The following HCRTR1 variants were observed in gnomAD, a reference collection of about 807,000 sequenced individuals.
HCRTR1 encodes the protein hypocretin receptor 1.
In HCRTR1, 28 loss-of-function variants were observed where a neutral mutation model predicts 40.6. That is an observed-to-expected ratio of 0.69 (90% CI 0.51 to 0.95). The LOEUF (loss-of-function observed/expected upper bound fraction) is 0.95, where lower values mean the gene tolerates loss of function less well. Ranked by LOEUF, HCRTR1 falls within the 40% of genes least tolerant of loss-of-function variation. The pLI, the probability that HCRTR1 is intolerant of heterozygous loss-of-function variation, is 0.00. For synonymous variants in HCRTR1, 209 were observed against 230.0 expected, an observed-to-expected ratio of 0.91 and a Z score of 0.83; for missense variants, 482 against 564.7, an observed-to-expected ratio of 0.85 and a Z score of 1.48.
In HCRTR1 at chr1:31,625,720, C is replaced by G. The variant is rs1260602767; in HGVS notation, c.1087+602C>G. ...CTCTGCTGTCCCACAGTGCCCACCC[C>G]CTCCCTCTACCTCCCAGTCTCAGGG... is the stretch of plus-strand genomic sequence containing the variant. On this transcript the variant is annotated intron_variant, in intron 8 of 8. Coordinates refer to ENST00000403528, the MANE Select transcript of HCRTR1 (RefSeq NM_001525.3). The surrounding 1 kb of genome is among the most constrained non-coding windows in gnomAD (Gnocchi z 4.2). Among the ~76,000 whole-genome samples the G allele has an allele frequency of 6.6e-6, 1 of 152,154 alleles. No individual in the cohort carries two copies. The highest frequency in any genetic ancestry group is 1.5e-5 in the Non-Finnish European group (1 of 68,020).
Position 31,625,261 on chromosome 1 carries a change from ACCCACCCCAAGCGGC to A in HCRTR1, c.1087+146_1087+160del. 3.8e-6 allele frequency: 4 copies of A among 1,063,618 alleles called. No homozygotes were observed. The highest frequency in any genetic ancestry group is 5.2e-6 in the Non-Finnish European group (4 of 773,750). The allele number at this position is 1,063,618 out of a possible 1,614,324, so 65.9% of individuals were successfully genotyped here. A position where few individuals can be genotyped will look rare whatever the true frequency, so the allele number is the denominator to read the frequency against. On this transcript the variant is annotated intron_variant, in intron 8 of 8. Coordinates refer to ENST00000403528, the MANE Select transcript of HCRTR1 (RefSeq NM_001525.3). The surrounding 1 kb of genome is among the most constrained non-coding windows in gnomAD (Gnocchi z 4.2). ...GGCACAGTGATCCTGCTCTGGGAGG[ACCCACCCCAAGCGGC>A]CCTGGCCTGAGTGGGAGACGGGCCA...
downstream of HCRTR1, chr1:31,632,614 C>T (rs763935107): frequency 9.9e-6 from 16 of 1,613,962 alleles, no homozygotes; most frequent in Middle Eastern, 6.6e-4. Flanking sequence ...ATCGATGCGG[C>T]CTGACTTGGT....
chr1:31,626,963 A>G lies in HCRTR1; in HGVS notation c.1261A>G (p.Thr421Ala). The G allele has an allele frequency of 1.2e-6, 2 of 1,612,676 alleles. No homozygotes were observed. Among genetic ancestry groups the G allele is most frequent in the Non-Finnish European group, 1.7e-6 (2 of 1,179,974 alleles). ...TGAGCATGTGGTGCTCACCAGCGTC[A>G]CCACAGTGCTGCCCTGAGCGAGGGC... Reference protein sequence around the residue: ...ISEHVVLTSVTTVLP With the variant: ...ISEHVVLTSVATVLP The change falls in exon 9 of 9, where the codon ACC becomes GCC. Residue 421 changes from threonine (T) to alanine (A), a missense_variant. By Grantham distance (58) the Thr-to-Ala change is moderately conservative (BLOSUM62 0). Coordinates refer to ENST00000403528, the MANE Select transcript of HCRTR1 (RefSeq NM_001525.3). This position sits in a 1 kb window ranked among gnomAD's most constrained non-coding sequence, Gnocchi z 4.6.
In HCRTR1 at chr1:31,627,130, C is replaced by G; in HGVS notation, c.*150C>G. 7.0e-7 allele frequency: 1 copy of G among 1,424,508 alleles called. No homozygotes were observed. The highest frequency in any genetic ancestry group is 9.3e-7 in the Non-Finnish European group (1 of 1,069,824). 88.2% of individuals were successfully genotyped at this position (1,424,508 alleles called of 1,614,324 possible). Reference sequence around the variant, plus strand: ...TCACTTCCTCTGTCTGAGCTTGTGTCCCCTAAGCAGGGTTGATGTGAGGAT... The same window carrying G: ...TCACTTCCTCTGTCTGAGCTTGTGTGCCCTAAGCAGGGTTGATGTGAGGAT... On this transcript the variant is annotated 3_prime_UTR_variant, in exon 9 of 9. Coordinates refer to ENST00000403528, the MANE Select transcript of HCRTR1 (RefSeq NM_001525.3).
intron 6 of HCRTR1, among the ~76,000 whole-genome samples, chr1:31,623,124 T>C (rs1044138520): frequency 1.5e-4 from 22 of 149,334 alleles, no homozygotes; most frequent in Non-Finnish European, 3.0e-4. Flanking sequence ...AGGTCAGGAG[T>C]TCAAGACCAG....
intron 7 of HCRTR1, among the ~76,000 whole-genome samples, chr1:31,624,073 G>A (rs1409611434): frequency 6.6e-6 from 1 of 152,190 alleles, no homozygotes; most frequent in African/African-American, 2.4e-5. Flanking sequence ...GTCAGGCAGT[G>A]ATAACTGCTG....
At chr1:31,623,307 A>G (rs1314016697) in intron 6 of HCRTR1, among the ~76,000 whole-genome samples, 1 of 151,976 alleles carries the variant, frequency 6.6e-6, no homozygotes, top group African/African-American at 2.4e-5. Context: ...AAAAAAAAAA[A>G]AAAAAGAAAA....
intron 5 of HCRTR1, 71 bp from the exon 6 acceptor site, chr1:31,621,406 G>A (rs1639853690): frequency 1.7e-6 from 2 of 1,146,578 alleles, no homozygotes; most frequent in Middle Eastern, 1.9e-4. Context: ...TCAGGACAGG[G>A]TGGCATTGCT....
intron 6 of HCRTR1, 76 bp from the exon 7 acceptor site, chr1:31,623,447 G>C (rs1254124155): frequency 1.5e-6 from 2 of 1,294,356 alleles, no homozygotes; most frequent in African/African-American, 3.0e-5. Flanking sequence ...GTCCAGCCTG[G>C]AGTAGGCCCC....
chr1:31,630,993 A>G (rs950050106), downstream of HCRTR1: 4 of 698,492 alleles, frequency 5.7e-6, no homozygotes, highest in Middle Eastern at 2.5e-4. Context: ...GGGTCTGTCT[A>G]AGATGTCAGA....
At chr1:31,633,449 CTTA>C, downstream of HCRTR1, 3 of 967,338 alleles carry the variant, frequency 3.1e-6, no homozygotes, top group Non-Finnish European at 4.5e-6. Flanking sequence ...AGCTGACATT[CTTA>C]CTCTGATGGA....
At chr1:31,622,922 T>C (rs891589593) in intron 6 of HCRTR1, among the ~76,000 whole-genome samples, 1 of 152,098 alleles carries the variant, frequency 6.6e-6, no homozygotes, top group Non-Finnish European at 1.5e-5. Context: ...TGGCCTGGGG[T>C]CTTGTCAAGG....
downstream of HCRTR1, chr1:31,630,483 C>G: frequency 1.0e-6 from 1 of 962,286 alleles, no homozygotes; most frequent in Non-Finnish European, 1.6e-6. Context: ...TCTTTTGGAA[C>G]AGTGTTGCAT....
chr1:31,621,524 T>C lies in HCRTR1; in HGVS notation c.670T>C (p.Tyr224His). The C allele has an allele frequency of 6.2e-7, 1 of 1,614,114 alleles. No homozygotes were observed. The highest frequency in any genetic ancestry group is 8.5e-7 in the Non-Finnish European group (1 of 1,179,978). The change falls in exon 6 of 9, where the codon TAC (tyrosine) becomes CAC (histidine). Residue 224 changes from tyrosine to histidine, a missense_variant. Transcript: ENST00000403528. The part of the protein sequence containing the change: ...IYHSCFFIVT[Y>H]LAPLGLMAMA... ...CCACAGTTGCTTCTTTATTGTCACC[T>C]ACCTGGCCCCACTGGGCCTCATGGC... is the stretch of plus-strand genomic sequence containing the variant.
chr1:31,630,863 G>A (rs1640081018), downstream of HCRTR1: 2 of 1,575,220 alleles, frequency 1.3e-6, no homozygotes. Flanking sequence ...GGGGCACACA[G>A]ACCAGACACA....
At position 31,619,344 on chromosome 1, in the gene HCRTR1, C is replaced by A. The variant is rs780400386; in HGVS notation, c.152C>A (p.Ala51Glu). The A allele has an allele frequency of 6.2e-7, 1 of 1,614,236 alleles. No individual in the cohort carries two copies. Among genetic ancestry groups the A allele is most frequent in the South Asian group, 1.1e-5 (1 of 91,090 alleles). The change falls in exon 3 of 9, where the codon GCA becomes GAA. Residue 51 changes from alanine (A) to glutamate (E), a missense_variant. Transcript: ENST00000403528. ...AAACAGTATGAGTGGGTCCTCATCG[C>A]AGCCTATGTGGCTGTGTTCGTCGTG... ...YPKQYEWVLI[A>E]AYVAVFVVAL... is the part of the protein sequence containing the mutation.
At chr1:31,622,691 A>G (rs1449961788) in intron 6 of HCRTR1, among the ~76,000 whole-genome samples, 1 of 152,134 alleles carries the variant, frequency 6.6e-6, no homozygotes, top group Non-Finnish European at 1.5e-5. Flanking sequence ...GTGGTGGGTG[A>G]TTTGAGTGTC....
chr1:31,624,958 A>G (rs1213701991), intron 7 of HCRTR1, 39 bp from the exon 8 acceptor site: 3 of 1,556,344 alleles, frequency 1.9e-6, no homozygotes, highest in Non-Finnish European at 8.7e-7. Flanking sequence ...ATGCATACGC[A>G]GCTACCCCAT....
chr1:31,623,545 T>C lies in HCRTR1; in HGVS notation c.761T>C (p.Leu254Pro). The change falls in exon 7 of 9, where the codon CTG becomes CCG. Residue 254 changes from leucine to proline, a missense_variant. By Grantham distance (98) the Leu-to-Pro change is moderately conservative (BLOSUM62 -3). Coordinates refer to ENST00000403528, the MANE Select transcript of HCRTR1 (RefSeq NM_001525.3). Reference sequence around the variant, plus strand: ...CAGATCCCCGGCACCACCTCAGCACTGGTGCGGAACTGGAAGCGCCCCTCA... The same window carrying C: ...CAGATCCCCGGCACCACCTCAGCACCGGTGCGGAACTGGAAGCGCCCCTCA... ...GRQIPGTTSALVRNWKRPSDQ... is the reference protein window; with the variant it reads ...GRQIPGTTSAPVRNWKRPSDQ... 1 of 1,613,252 alleles carries C rather than the reference T, an allele frequency of 6.2e-7. No homozygotes were observed. Among genetic ancestry groups the C allele is most frequent in the South Asian group, 1.1e-5 (1 of 91,050 alleles).
Sources: allele counts gnomAD v4.1 joint callset (sites outside exome capture counted in the v4.1 genomes callset), GRCh38; gene constraint gnomAD v4.1.1; non-coding constraint Gnocchi (gnomAD v3.1); transcripts MANE v1.5; gene names NCBI Gene and HGNC (gene_info 2026-07-23, HGNC 2026-07-21).